VPS45: variants seen among roughly 807,000 people sequenced by gnomAD.
The protein encoded by VPS45 is vacuolar protein sorting 45 homolog.
In VPS45, 35 loss-of-function variants were observed where a neutral mutation model predicts 75.9. That is an observed-to-expected ratio of 0.46 (90% CI 0.35 to 0.61). The LOEUF (loss-of-function observed/expected upper bound fraction) is 0.61. Among genes scored for constraint, VPS45 ranks in the 20% least tolerant of loss-of-function variants. VPS45 has a pLI of 0.00. For synonymous variants in VPS45, 220 were observed against 238.2 expected, an observed-to-expected ratio of 0.92 and a Z score of 0.70; for missense variants, 559 against 685.9, an observed-to-expected ratio of 0.81 and a Z score of 2.07.
chr1:150,083,326 T>C (rs1209135818), intron 10 of VPS45: 1 of 152,898 alleles, frequency 6.5e-6, no homozygotes, highest in African/African-American at 2.4e-5. Flanking sequence ...GTTTTTTCAT[T>C]ATTGAAGATC....
At chr1:150,135,046 T>A (rs1486171498) in intron 14 of VPS45, among the ~76,000 whole-genome samples, 1 of 152,104 alleles carries the variant, frequency 6.6e-6, no homozygotes, top group Non-Finnish European at 1.5e-5. Context: ...AAATTCTGTA[T>A]TTTTCATATT....
intron 13 of VPS45, among the ~76,000 whole-genome samples, chr1:150,103,352 G>A (rs1657143761): frequency 6.6e-6 from 1 of 152,174 alleles, no homozygotes; most frequent in Admixed American, 6.5e-5. Context: ...AAAAATGTCA[G>A]GGGTATTTAA....
chr1:150,115,637 A>G (rs191976846), intron 14 of VPS45, among the ~76,000 whole-genome samples: 10 of 152,262 alleles, frequency 6.6e-5, no homozygotes, highest in Admixed American at 1.3e-4. Context: ...TCTCTCTTGC[A>G]TATTCTTCTT....
chr1:150,096,143 G>A (rs1656638613), intron 13 of VPS45, among the ~76,000 whole-genome samples: 1 of 152,162 alleles, frequency 6.6e-6, no homozygotes, highest in Non-Finnish European at 1.5e-5. Context: ...AGTTGGAGAT[G>A]TCTATTAGAT....
At chr1:150,105,040 A>T (rs913946116) in intron 13 of VPS45, among the ~76,000 whole-genome samples, 14 of 152,326 alleles carry the variant, frequency 9.2e-5, no homozygotes, top group African/African-American at 2.9e-4. Context: ...GGTTGAACTA[A>T]TTTACATTCC....
At chr1:150,120,848 T>C (rs189582397) in intron 14 of VPS45, among the ~76,000 whole-genome samples, 1 of 150,072 alleles carries the variant, frequency 6.7e-6, no homozygotes, top group East Asian at 2.0e-4. Context: ...AAGCAACTTA[T>C]CTCCTTAGCA....
chr1:150,087,421 TA>T (rs1656075399), intron 10 of VPS45, among the ~76,000 whole-genome samples: 1 of 152,226 alleles, frequency 6.6e-6, no homozygotes, highest in Admixed American at 6.5e-5. Context: ...ATGGAAAATT[TA>T]ATAAGAGAAA....
intron 7 of VPS45, among the ~76,000 whole-genome samples, chr1:150,080,583 T>A (rs1655651934): frequency 6.6e-6 from 1 of 152,220 alleles, no homozygotes; most frequent in African/African-American, 2.4e-5. Context: ...TAAGATAAAA[T>A]ATGTATATAA....
intron 14 of VPS45, among the ~76,000 whole-genome samples, chr1:150,135,659 T>C (rs1659038477): frequency 6.7e-6 from 1 of 149,706 alleles, no homozygotes; most frequent in South Asian, 2.1e-4. Context: ...CATAATTCAT[T>C]TGCTTCTTTT....
intron 14 of VPS45, among the ~76,000 whole-genome samples, chr1:150,113,769 G>A (rs1657774685): frequency 6.6e-6 from 1 of 151,954 alleles, no homozygotes; most frequent in Non-Finnish European, 1.5e-5. Flanking sequence ...GGTGGCAGGC[G>A]CCTGTAGTCC....
chr1:150,097,121 T>C (rs1304163685), intron 13 of VPS45, among the ~76,000 whole-genome samples: 1 of 146,236 alleles, frequency 6.8e-6, no homozygotes, highest in Non-Finnish European at 1.5e-5. Flanking sequence ...AGAGTCTTGC[T>C]CTGTCACCCA....
chr1:150,082,201 G>C (rs587692024), intron 9 of VPS45, among the ~76,000 whole-genome samples: 1 of 152,202 alleles, frequency 6.6e-6, no homozygotes, highest in African/African-American at 2.4e-5. Context: ...AGTAATATCT[G>C]GACTATTTAA....
At chr1:150,070,978 G>A (rs982899413) in intron 2 of VPS45, among the ~76,000 whole-genome samples, 2 of 151,660 alleles carry the variant, frequency 1.3e-5, no homozygotes, top group Non-Finnish European at 2.9e-5. Context: ...GGAAGTAATT[G>A]AGGTTTAAAA....
intron 14 of VPS45, among the ~76,000 whole-genome samples, chr1:150,141,727 T>A (rs1553815323): frequency 6.6e-6 from 1 of 152,190 alleles, no homozygotes; most frequent in Non-Finnish European, 1.5e-5. Context: ...ACTGCCTCTG[T>A]TTATACTCAT....
Position 150,093,298 on chromosome 1 carries a change from T to A in VPS45, c.1372-229T>A, listed in dbSNP as rs1214084072. Among the ~76,000 whole-genome samples, 5 of 152,168 alleles carry A rather than the reference T, an allele frequency of 3.3e-5. No individual in the cohort carries two copies. The East Asian group carries it at 9.6e-4, about 29-fold the overall frequency. ...AGACATGATTAAGGATTTAAGCAATTCCATTTTTAAAAAATCCTTTACAAT... is the reference window on the plus strand; with the variant it reads ...AGACATGATTAAGGATTTAAGCAATACCATTTTTAAAAAATCCTTTACAAT... On this transcript the variant is annotated intron_variant, in intron 12 of 14. Coordinates refer to ENST00000644510, the MANE Select transcript of VPS45 (RefSeq NM_007259.5).
intron 14 of VPS45, among the ~76,000 whole-genome samples, chr1:150,131,619 G>A (rs1553812384): frequency 1.3e-5 from 2 of 150,914 alleles, no homozygotes; most frequent in East Asian, 3.9e-4. Flanking sequence ...AGAATCACTT[G>A]AGGCCAGGAG....
At chr1:150,143,015 T>C (rs1402763730) in intron 14 of VPS45, 10 of 320,402 alleles carry the variant, frequency 3.1e-5, no homozygotes, top group Non-Finnish European at 5.0e-5. Flanking sequence ...TTTATTCATT[T>C]ACTCAGCATA....
chr1:150,081,509 A>G, intron 8 of VPS45, 33 bp downstream of exon 8: 2 of 1,583,104 alleles, frequency 1.3e-6, no homozygotes, highest in Non-Finnish European at 1.7e-6. Flanking sequence ...AATTGTCTTT[A>G]GTTGTTTTTA....
intron 6 of VPS45, 76 bp downstream of exon 6, chr1:150,077,307 A>T (rs1571824433): frequency 6.6e-7 from 1 of 1,524,150 alleles, no homozygotes; most frequent in East Asian, 2.3e-5. Flanking sequence ...AACTAAAGGA[A>T]TAGTTTATTT....
Sources: gnomAD v4.1 joint callset for allele counts (sites outside exome capture counted in the v4.1 genomes callset) on GRCh38, gnomAD v4.1.1 for gene constraint, MANE v1.5 for transcripts, NCBI Gene and HGNC (gene_info 2026-07-23, HGNC 2026-07-21) for gene names.